Variants in NTM observed in about 807,000 individuals in gnomAD.
The protein encoded by NTM is IgLON family member 2.
A neutral mutation model predicts 42.1 loss-of-function variants in NTM; 13 were observed. That is an observed-to-expected ratio of 0.31 (90% CI 0.20 to 0.49). The LOEUF is 0.49. Ranked by LOEUF, NTM falls within the 20% of genes least tolerant of loss-of-function variation. The probability of loss-of-function intolerance (pLI) is 0.99; values close to 1 mark genes in which losing one functional copy is unlikely to be tolerated. For missense variants in NTM, 373 were observed against 452.8 expected (o/e 0.82, Z 1.60); for synonymous variants, 187 against 179.2 (o/e 1.04, Z -0.35).
chr11:131,579,269 CAG>C (rs549441459), intron 1 of NTM, among the ~76,000 whole-genome samples: 3 of 152,128 alleles, frequency 2.0e-5, no homozygotes, highest in African/African-American at 7.2e-5. Flanking sequence ...CAAAAGAAGA[CAG>C]AGAGAAAACA....
At chr11:132,113,784 C>T (rs1000087315) in intron 2 of NTM, among the ~76,000 whole-genome samples, 2 of 152,168 alleles carry the variant, frequency 1.3e-5, no homozygotes, top group African/African-American at 4.8e-5. Flanking sequence ...CGAAGGACTC[C>T]ATGCAATCCT....
chr11:131,877,752 G>T (rs2048751217), intron 1 of NTM: 1 of 152,126 alleles, frequency 6.6e-6, no homozygotes. Context: ...TCTTTCTACT[G>T]CCCTGTTGTG....
intron 2 of NTM, among the ~76,000 whole-genome samples, chr11:132,019,614 T>A (rs1237223068): frequency 6.6e-6 from 1 of 152,036 alleles, no homozygotes; most frequent in Non-Finnish European, 1.5e-5. Context: ...TTTTTTCTGG[T>A]ATTAAAAAAA....
intron 1 of NTM, among the ~76,000 whole-genome samples, chr11:131,734,776 A>T (rs1299476376): frequency 1.3e-5 from 2 of 152,212 alleles, no homozygotes; most frequent in Non-Finnish European, 2.9e-5. Context: ...CCAACAGTGC[A>T]ATATCCCCCT....
chr11:131,573,818 G>A (rs534027886), intron 1 of NTM, among the ~76,000 whole-genome samples: 1 of 152,114 alleles, frequency 6.6e-6, no homozygotes, highest in African/African-American at 2.4e-5. Context: ...GTCATCTCTC[G>A]AGTTGGTGAC....
intron 1 of NTM, among the ~76,000 whole-genome samples, chr11:131,525,819 C>T (rs1269282945): frequency 6.6e-6 from 1 of 151,864 alleles, no homozygotes; most frequent in Non-Finnish European, 1.5e-5. Context: ...ATCACAATAA[C>T]AAACTTGTAG....
chr11:131,841,284 A>C (rs2136676195), intron 1 of NTM, among the ~76,000 whole-genome samples: 1 of 152,198 alleles, frequency 6.6e-6, no homozygotes, highest in East Asian at 1.9e-4. Context: ...ATATAGTGAC[A>C]CAGCAAGATG....
chr11:131,442,879 A>G (rs993410628), intron 1 of NTM, among the ~76,000 whole-genome samples: 7 of 152,082 alleles, frequency 4.6e-5, no homozygotes, highest in Admixed American at 4.6e-4. Context: ...GCAATCAATC[A>G]TTGGTGGACA....
At chr11:131,775,599 T>C (rs1024719016) in intron 1 of NTM, among the ~76,000 whole-genome samples, 2 of 152,206 alleles carry the variant, frequency 1.3e-5, no homozygotes, top group Non-Finnish European at 2.9e-5. Flanking sequence ...TTAGGGAACA[T>C]CTCTTCTGGA....
chr11:132,086,323 C>CAAAAA (rs71067358), intron 2 of NTM, among the ~76,000 whole-genome samples: 4,147 of 98,818 alleles, frequency 0.042, 108 homozygotes, highest in South Asian at 0.087. Context: ...GACTCCATGT[C>CAAAAA]AAAAAAAAAA....
At chr11:131,831,118 A>T (rs2042764668) in intron 1 of NTM, among the ~76,000 whole-genome samples, 1 of 152,134 alleles carries the variant, frequency 6.6e-6, no homozygotes, top group Admixed American at 6.6e-5. Flanking sequence ...GCAAAGAAAG[A>T]TAGTTTGACT....
intron 4 of NTM, among the ~76,000 whole-genome samples, chr11:132,243,058 C>T (rs1008821937): frequency 6.6e-6 from 1 of 152,184 alleles, no homozygotes; most frequent in East Asian, 1.9e-4. Context: ...GAGTTCTTAG[C>T]TTAAGCTATA....
intron 4 of NTM, among the ~76,000 whole-genome samples, chr11:132,268,664 CTCTCTCTGTG>C (rs1210100090): frequency 3.5e-5 from 2 of 57,092 alleles, no homozygotes; most frequent in Admixed American, 1.3e-4. Flanking sequence ...GGTCCTCTCT[CTCTCTCTGTG>C]TGTGTGTGTG....
intron 1 of NTM, among the ~76,000 whole-genome samples, chr11:131,793,236 T>C (rs2136163849): frequency 6.6e-6 from 1 of 152,348 alleles, no homozygotes; most frequent in East Asian, 1.9e-4. Flanking sequence ...GCTACTATTA[T>C]TTGGTTGCTA....
chr11:131,819,841 G>T (rs1031099114), intron 1 of NTM, among the ~76,000 whole-genome samples: 2 of 152,190 alleles, frequency 1.3e-5, no homozygotes, highest in African/African-American at 4.8e-5. Flanking sequence ...TCCCATGAGA[G>T]CAGCAGCACC....
chr11:131,694,910 C>T (rs1490190582), intron 1 of NTM, among the ~76,000 whole-genome samples: 1 of 152,156 alleles, frequency 6.6e-6, no homozygotes, highest in Non-Finnish European at 1.5e-5. Flanking sequence ...TTGGGACTCG[C>T]TCAGCGCCCT....
At chr11:131,745,722 G>A (rs1430820251) in intron 1 of NTM, among the ~76,000 whole-genome samples, 2 of 151,072 alleles carry the variant, frequency 1.3e-5, no homozygotes, top group Non-Finnish European at 3.0e-5. Flanking sequence ...AGTAGGTGGT[G>A]AGAAAAAAAA....
At chr11:132,019,855 G>T (rs532424145) in intron 2 of NTM, among the ~76,000 whole-genome samples, 177 of 148,752 alleles carry the variant, frequency 1.2e-3, no homozygotes, top group Admixed American at 1.5e-3. Context: ...TATTTATTTG[G>T]TTTTTTTTTC....
Position 131,920,051 on chromosome 11 carries a change from A to G in NTM, c.167+8403A>G, listed in dbSNP as rs2056996872. ...TTTCGTAAAAAGATTGTTGCATAGC[A>G]GGTTGTGACAGTTCATGGCTCTGAA... On this transcript the variant is annotated intron_variant, in intron 2 of 8. Coordinates refer to ENST00000683400, the MANE Select transcript of NTM (RefSeq NM_001352005.2). Among the ~76,000 whole-genome samples, 3 of 152,330 alleles carry G rather than the reference A, an allele frequency of 2.0e-5. No individual in the cohort carries two copies. In the South Asian group the frequency reaches 6.2e-4, roughly 32 times the overall value.
Sources: allele counts gnomAD v4.1 joint callset (sites outside exome capture counted in the v4.1 genomes callset), GRCh38; gene constraint gnomAD v4.1.1; transcripts MANE v1.5; gene names NCBI Gene and HGNC (gene_info 2026-07-23, HGNC 2026-07-21).